The following MUS81 variants were observed in gnomAD, a reference collection of about 807,000 sequenced individuals.
MUS81 encodes the protein MUS81 structure-specific endonuclease subunit.
MUS81 carries 69 observed loss-of-function variants against 74.2 expected under a neutral mutation model. That is an observed-to-expected ratio of 0.93 (90% CI 0.77 to 1.14). The LOEUF is 1.14. Ranked by LOEUF, MUS81 falls within the 50% of genes most tolerant of loss-of-function variation. The pLI is 0.00. For synonymous variants in MUS81, 303 were observed against 300.6 expected (o/e 1.01, Z -0.08); for missense variants, 711 against 726.5 (o/e 0.98, Z 0.25).
chr11:65,866,004 G>A lies in MUS81; in HGVS notation c.1608G>A (p.Leu536=), dbSNP rs1448614002. ...GRLQRNLGPA[L]SRTLSQLYCS... is the part of the protein sequence containing the mutation. ...CCTGCAGGAATCTGGGGCCTGCTCTGAGCAGGACCTTATCCCAGCTCTACT... is the reference window on the plus strand; with the variant it reads ...CCTGCAGGAATCTGGGGCCTGCTCTAAGCAGGACCTTATCCCAGCTCTACT... Residue 536 remains leucine, a synonymous_variant, in exon 16 of 16, where the codon CTG becomes CTA. Coordinates refer to ENST00000308110, the MANE Select transcript of MUS81 (RefSeq NM_025128.5). The A allele has an allele frequency of 1.9e-6, 3 of 1,614,102 alleles. No homozygotes were observed. Among genetic ancestry groups the A allele is most frequent in the Non-Finnish European group, 2.5e-6 (3 of 1,179,994 alleles).
At chr11:65,860,154 G>A (rs1032828125), upstream of MUS81, 1 of 431,738 alleles carries the variant, frequency 2.3e-6, no homozygotes, top group African/African-American at 2.0e-5. Context: ...CCTTACCTTT[G>A]TGTCCTCATC....
At position 65,863,673 on chromosome 11, in the gene MUS81, G is replaced by T. The variant is rs367661848; in HGVS notation, c.913G>T (p.Val305Phe). 2.5e-6 allele frequency: 4 copies of T among 1,613,960 alleles called. No individual in the cohort carries two copies. Among genetic ancestry groups the T allele is most frequent in the Non-Finnish European group, 3.4e-6 (4 of 1,179,992 alleles). The stretch of plus-strand genomic sequence containing the variant: ...GACCCACACGGTGCGCAAGCTGCAC[G>T]TTGGAGATTTTGTGTGGGTGGCCCA... The part of the protein sequence containing the change: ...HVTHTVRKLH[V>F]GDFVWVAQET... Residue 305 changes from valine to phenylalanine, a missense_variant, in exon 9 of 16, where the codon GTT becomes TTT. Transcript: ENST00000308110.
downstream of MUS81, chr11:65,866,526 A>G: frequency 1.4e-6 from 1 of 702,896 alleles, no homozygotes; most frequent in South Asian, 1.5e-5. Flanking sequence ...AGGCAGAGTT[A>G]GGAATGGAAC....
downstream of MUS81, chr11:65,867,314 G>C (rs139948139): frequency 6.3e-5 from 37 of 585,670 alleles, no homozygotes; most frequent in African/African-American, 6.3e-4. Flanking sequence ...AGCCTGCTCT[G>C]TCTGACCCAG....
Position 65,866,156 on chromosome 11 carries a change from C to A in MUS81, c.*104C>A. 1 of 1,135,890 alleles carries A rather than the reference C, an allele frequency of 8.8e-7. No individual in the cohort carries two copies. Among genetic ancestry groups the A allele is most frequent in the Non-Finnish European group, 1.3e-6 (1 of 796,236 alleles). The allele number at this position is 1,135,890 out of a possible 1,614,324, so 70.4% of individuals were successfully genotyped here. ...GGTACAATTAGAATCTAAGTGTTTG[C>A]AGCCATATGTGTCATGTAGAAGATG... On this transcript the variant is annotated 3_prime_UTR_variant, in exon 16 of 16. Coordinates refer to ENST00000308110, the MANE Select transcript of MUS81 (RefSeq NM_025128.5).
intron 11 of MUS81, 30 bp from the exon 12 acceptor site, chr11:65,864,690 A>G (rs1253890373): frequency 6.2e-7 from 1 of 1,613,314 alleles, no homozygotes; most frequent in African/African-American, 1.3e-5. Context: ...GCCAGGAGCC[A>G]CCTTCCCTCT....
At position 65,862,240 on chromosome 11, in the gene MUS81, G is replaced by A. The variant is rs1859635635; in HGVS notation, c.480G>A (p.Lys160=). 1 of 1,613,660 alleles carries A rather than the reference G, an allele frequency of 6.2e-7. No homozygotes were observed. The highest frequency in any genetic ancestry group is 1.1e-5 in the South Asian group (1 of 91,060). ...CTAATGGTCACCACTTCTTAACCAA[G>A]GAGGAGCTGCTGCAGAGGTGTGCTC... is the stretch of plus-strand genomic sequence containing the variant. ...LNPNGHHFLT[K]EELLQRCAQK... The change falls in exon 5 of 16, where the codon AAG becomes AAA. Residue 160 remains lysine, a synonymous_variant. Coordinates refer to ENST00000308110, the MANE Select transcript of MUS81 (RefSeq NM_025128.5).
upstream of MUS81, among the ~76,000 whole-genome samples, chr11:65,859,901 G>T (rs1017013951): frequency 6.6e-6 from 1 of 152,254 alleles, no homozygotes; most frequent in Middle Eastern, 3.4e-3. Flanking sequence ...TTCTTAACCC[G>T]CAGCCTGCTC....
intron 14 of MUS81, 52 bp downstream of exon 14, chr11:65,865,375 G>A (rs1859789969): frequency 6.5e-7 from 1 of 1,546,328 alleles, no homozygotes; most frequent in Non-Finnish European, 8.8e-7. Flanking sequence ...TCCATGCATG[G>A]AATTCACCTT....
In MUS81 at chr11:65,864,396, G is replaced by A. The variant is rs534542960; in HGVS notation, c.1060-101G>A. 1.0e-4 allele frequency: 108 copies of A among 1,067,154 alleles called. No individual in the cohort carries two copies. In the South Asian group the frequency reaches 1.4e-3, roughly 14 times the overall value. 66.1% of individuals were successfully genotyped at this position (1,067,154 alleles called of 1,614,324 possible). On this transcript the variant is annotated intron_variant, in intron 10 of 15. Transcript: ENST00000308110. ...AGGGAGGATGCAGAGGCTAACTGGT[G>A]GGAACAGGGTCCCGGCACCATTTTG...
Position 65,863,722 on chromosome 11 carries a change from G to A in MUS81, c.961+1G>A. 6.2e-7 allele frequency: 1 copy of A among 1,614,098 alleles called. No individual in the cohort carries two copies. Among genetic ancestry groups the A allele is most frequent in the Admixed American group, 1.7e-5 (1 of 60,014 alleles). ...CAGGAGACCAATCCTAGAGACCCAG[G>A]TGAAGGGCCGTGGACAGGCTGGCAC... On this transcript the variant is annotated splice_donor_variant, in intron 9 of 15. Coordinates refer to ENST00000308110, the MANE Select transcript of MUS81 (RefSeq NM_025128.5). LOFTEE classifies it high-confidence loss of function.
chr11:65,865,620 TG>T (rs1859799801), intron 14 of MUS81, 190 bp from the exon 15 acceptor site: 1 of 656,936 alleles, frequency 1.5e-6, no homozygotes, highest in East Asian at 2.7e-5. Flanking sequence ...GAGCCTTTGC[TG>T]GTTTTGCCCC....
Position 65,863,932 on chromosome 11 carries a change from G to C in MUS81, c.1059+31G>C, listed in dbSNP as rs779139540. The C allele has an allele frequency of 7.5e-6, 12 of 1,608,110 alleles. No individual in the cohort carries two copies. In the East Asian group the frequency reaches 2.5e-4, roughly 33 times the overall value. ...TTTGCTGGCTTTGCCAGGCTTCCCTGCCTGCTCCGAAGCCCCGTTTTCAGC... is the reference window on the plus strand; with the variant it reads ...TTTGCTGGCTTTGCCAGGCTTCCCTCCCTGCTCCGAAGCCCCGTTTTCAGC... On this transcript the variant is annotated intron_variant, in intron 10 of 15. Transcript: ENST00000308110.
In MUS81 at chr11:65,861,125, G is replaced by A; in HGVS notation, c.265+23G>A. On this transcript the variant is annotated intron_variant, in intron 2 of 15. Transcript: ENST00000308110. ...GCGGTGAGCGCCTCGGAAAGGGGTC[G>A]GTGATCCCCCACCTCCCCCAGGTGG... The A allele has an allele frequency of 6.2e-7, 1 of 1,611,542 alleles. No homozygotes were observed. The highest frequency in any genetic ancestry group is 2.2e-5 in the East Asian group (1 of 44,872).
upstream of MUS81, among the ~76,000 whole-genome samples, chr11:65,859,860 G>C (rs532698031): frequency 5.9e-5 from 9 of 152,282 alleles, no homozygotes; most frequent in African/African-American, 2.2e-4. Flanking sequence ...CAAAAATGAC[G>C]AAGTGTTCTC....
Position 65,862,271 on chromosome 11 carries a change from TCC to T in MUS81, c.515_516del (p.Pro172GlnfsTer80). On this transcript the variant is annotated frameshift_variant, in exon 5 of 16. Transcript: ENST00000308110. LOFTEE classifies it high-confidence loss of function. ...GCTGCTGCAGAGGTGTGCTCAGAAG[TCC>T]CCCAGGGTGAGCACAGGGATCAGGG... Reference protein sequence around the residue: ...EELLQRCAQKSPRVAPGSARP... With the variant: ...EELLQRCAQKXPRVAPGSARP... 1 of 1,613,624 alleles carries T rather than the reference TCC, an allele frequency of 6.2e-7. No homozygotes were observed. The highest frequency in any genetic ancestry group is 2.2e-5 in the East Asian group (1 of 44,874).
At chr11:65,865,769 G>A in intron 14 of MUS81, 42 bp from the exon 15 acceptor site, 2 of 1,597,448 alleles carry the variant, frequency 1.3e-6, no homozygotes, top group Non-Finnish European at 1.7e-6. Flanking sequence ...GGCCCAGAGT[G>A]GGCCACTGTC....
chr11:65,861,744 G>A (rs1859615050), intron 3 of MUS81: 2 of 615,030 alleles, frequency 3.3e-6, no homozygotes, highest in Non-Finnish European at 5.8e-6. Context: ...GCCAGGCTGG[G>A]CAGACACCCC....
rs758212339 is a variant in MUS81, at chr11:65,863,452, G to A, written c.789G>A (p.Arg263=). 6 of 1,614,052 alleles carry A rather than the reference G, an allele frequency of 3.7e-6. No individual in the cohort carries two copies. Among genetic ancestry groups the A allele is most frequent in the South Asian group, 2.2e-5 (2 of 91,090 alleles). The change falls in exon 8 of 16, where the codon AGG becomes AGA. Residue 263 remains arginine (R), a synonymous_variant. Coordinates refer to ENST00000308110, the MANE Select transcript of MUS81 (RefSeq NM_025128.5). Reference sequence around the variant, plus strand: ...TCCAGCAGCAGCCACTGGAGCTGAGGCCTGGAGAGTACAGGGTGCTGTTGT... The same window carrying A: ...TCCAGCAGCAGCCACTGGAGCTGAGACCTGGAGAGTACAGGGTGCTGTTGT... The part of the protein sequence containing the change: ...AGVQQQPLEL[R]PGEYRVLLCV...
Sources: allele counts gnomAD v4.1 joint callset (sites outside exome capture counted in the v4.1 genomes callset), GRCh38; gene constraint gnomAD v4.1.1; transcripts MANE v1.5; gene names NCBI Gene and HGNC (gene_info 2026-07-23, HGNC 2026-07-21).